The following GLIS3 variants were observed in gnomAD, a reference collection of about 807,000 sequenced individuals.
GLIS3 encodes zinc finger protein GLIS3.
Under a neutral mutation model 78.6 loss-of-function variants are expected in GLIS3, and 53 were observed. The ratio of observed to expected loss-of-function variants is 0.67; its 90% CI spans 0.54 to 0.85. The LOEUF (loss-of-function observed/expected upper bound fraction) is 0.85, where lower values mean the gene tolerates loss of function less well. Among genes scored for constraint, GLIS3 ranks in the 40% least tolerant of loss-of-function variants. GLIS3 has a pLI of 0.00. For synonymous variants in GLIS3, 684 were observed against 509.9 expected, an observed-to-expected ratio of 1.34 and a Z score of -4.60; for missense variants, 1,703 against 1,231.1, an observed-to-expected ratio of 1.38 and a Z score of -5.74.
At chr9:4,451,559 C>G in the GLIS3 span, among the ~76,000 whole-genome samples, 1 of 152,194 alleles carries the variant, frequency 6.6e-6, no homozygotes, top group African/African-American at 2.4e-5. Flanking sequence ...CTTCTCAGCA[C>G]TACATCGCAC....
intron 6 of GLIS3, among the ~76,000 whole-genome samples, chr9:3,927,994 A>C (rs1158121957): frequency 6.6e-6 from 1 of 152,230 alleles, no homozygotes; most frequent in Non-Finnish European, 1.5e-5. Context: ...TTACTTTTCA[A>C]ATGAGAGCAT....
intron 2 of GLIS3, among the ~76,000 whole-genome samples, chr9:4,337,441 G>A (rs186852718): frequency 4.6e-5 from 7 of 152,236 alleles, no homozygotes; most frequent in East Asian, 3.9e-4. Context: ...ATACAAAATC[G>A]TACGGACAGT....
At chr9:3,872,559 C>CT in intron 8 of GLIS3, among the ~76,000 whole-genome samples, 1 of 152,162 alleles carries the variant, frequency 6.6e-6, no homozygotes, top group Admixed American at 6.5e-5. Context: ...GAGGAAGACA[C>CT]AAAGGTGAAA....
At chr9:4,040,207 T>C (rs1238274421) in intron 4 of GLIS3, among the ~76,000 whole-genome samples, 1 of 152,082 alleles carries the variant, frequency 6.6e-6, no homozygotes, top group Non-Finnish European at 1.5e-5. Context: ...AATCACAGCC[T>C]TGGTCTTCAA....
chr9:4,279,381 A>T (rs1174076784), intron 2 of GLIS3, among the ~76,000 whole-genome samples: 2 of 146,306 alleles, frequency 1.4e-5, no homozygotes, highest in East Asian at 2.0e-4. Context: ...TATTATATAT[A>T]TTTTATATTA....
At chr9:3,904,032 G>A (rs1823498129) in intron 6 of GLIS3, among the ~76,000 whole-genome samples, 1 of 152,188 alleles carries the variant, frequency 6.6e-6, no homozygotes, top group Non-Finnish European at 1.5e-5. Context: ...AACTCTTACA[G>A]GGGCTCCACC....
chr9:4,269,511 C>T (rs1048918768), intron 2 of GLIS3, among the ~76,000 whole-genome samples: 4 of 152,116 alleles, frequency 2.6e-5, no homozygotes, highest in African/African-American at 9.7e-5. Context: ...AGCAAATAAC[C>T]AGATGTCTGA....
intron 4 of GLIS3, among the ~76,000 whole-genome samples, chr9:4,065,221 T>C (rs1479665306): frequency 6.6e-6 from 1 of 152,136 alleles, no homozygotes; most frequent in African/African-American, 2.4e-5. Context: ...CTTCTCAGGC[T>C]TTCCCTAACT....
chr9:3,981,179 C>T (rs1230030522), intron 4 of GLIS3, among the ~76,000 whole-genome samples: 1 of 152,190 alleles, frequency 6.6e-6, no homozygotes, highest in East Asian at 1.9e-4. Context: ...CTGTGCTCAG[C>T]CCTCTACTGG....
chr9:3,868,515 C>T (rs966042585), intron 8 of GLIS3, among the ~76,000 whole-genome samples: 5 of 152,334 alleles, frequency 3.3e-5, no homozygotes, highest in Non-Finnish European at 7.3e-5. Flanking sequence ...TGCTGCTTCA[C>T]TAATCCAGGA....
Position 4,299,642 on chromosome 9 carries a change from T to C in GLIS3, c.-320A>G, listed in dbSNP as rs1281759595. On this transcript the variant is annotated 5_prime_UTR_variant, in exon 1 of 11. Transcript: ENST00000381971. The stretch of plus-strand genomic sequence containing the variant: ...CCCAAGTGCCGTGTGTGCGCGCGCG[T>C]CTGCGAGGGCAGCGGCGGCAGGGGG... 6.5e-6 allele frequency: 1 copy of C among 152,738 alleles called. No homozygotes were observed. The highest frequency in any genetic ancestry group is 1.9e-4 in the East Asian group (1 of 5,180). The allele number at this position is 152,738 out of a possible 1,614,324, so 9.5% of individuals were successfully genotyped here.
intron 4 of GLIS3, chr9:4,081,451 C>A (rs1000639661): frequency 6.6e-6 from 1 of 151,814 alleles, no homozygotes; most frequent in African/African-American, 2.4e-5. Context: ...GAGCCACTTA[C>A]CCGCTGTCAG....
At chr9:3,923,972 T>A (rs1825061597) in intron 6 of GLIS3, among the ~76,000 whole-genome samples, 1 of 152,252 alleles carries the variant, frequency 6.6e-6, no homozygotes, top group Non-Finnish European at 1.5e-5. Flanking sequence ...ACATTTTGCA[T>A]ATAATTTCTG....
At position 4,090,703 on chromosome 9, in the gene GLIS3, T is replaced by C. The variant is rs1337796368; in HGVS notation, c.1710+27065A>G. On this transcript the variant is annotated intron_variant, in intron 4 of 10. Coordinates refer to ENST00000381971, the MANE Select transcript of GLIS3 (RefSeq NM_001042413.2). ...CCACGGCATCCAGTGTTCCTTAGTT[T>C]CCGCTAGTAGTAGCTCCCTCATAAG... Among the ~76,000 whole-genome samples, 3 of 152,196 alleles carry C rather than the reference T, an allele frequency of 2.0e-5. No individual in the cohort carries two copies. The East Asian group carries it at 5.8e-4, about 29-fold the overall frequency.
chr9:3,898,906 C>T, intron 6 of GLIS3, 71 bp from the exon 7 acceptor site: 1 of 1,603,602 alleles, frequency 6.2e-7, no homozygotes, highest in Non-Finnish European at 8.5e-7. Flanking sequence ...GGGAAGGCAT[C>T]ATGCTCTATC....
At chr9:4,127,965 T>A (rs1040643425) in intron 2 of GLIS3, among the ~76,000 whole-genome samples, 4 of 152,196 alleles carry the variant, frequency 2.6e-5, no homozygotes, top group Non-Finnish European at 5.9e-5. Context: ...AAATGGCACA[T>A]ATTGTAAGGT....
intron 4 of GLIS3, among the ~76,000 whole-genome samples, chr9:4,023,464 G>C (rs1563958212): frequency 6.6e-6 from 1 of 152,186 alleles, no homozygotes; most frequent in Non-Finnish European, 1.5e-5. Context: ...GTTTGCTTTT[G>C]TTCCTAAACA....
chr9:4,462,457 T>G, the GLIS3 span, among the ~76,000 whole-genome samples: 422 of 152,046 alleles, frequency 2.8e-3, 4 homozygotes, highest in African/African-American at 9.1e-3. Flanking sequence ...ATCAGAGAGT[T>G]AAAAAGAAGG....
the GLIS3 span, among the ~76,000 whole-genome samples, chr9:4,368,401 G>C: frequency 6.7e-6 from 1 of 150,224 alleles, no homozygotes; most frequent in Non-Finnish European, 1.5e-5. Flanking sequence ...CTGGAGTGTA[G>C]TGGCACAATC....
Sources: allele counts gnomAD v4.1 joint callset (sites outside exome capture counted in the v4.1 genomes callset), GRCh38; gene constraint gnomAD v4.1.1; transcripts MANE v1.5; gene names NCBI Gene and HGNC (gene_info 2026-07-23, HGNC 2026-07-21).